The following RAPH1 variants were observed in gnomAD, a reference collection of about 807,000 sequenced individuals.
RAPH1 encodes ras-associated and pleckstrin homology domains-containing protein 1.
RAPH1 carries 18 observed loss-of-function variants against 88.1 expected under a neutral mutation model. The ratio of observed to expected loss-of-function variants is 0.20; its 90% CI spans 0.14 to 0.30. RAPH1 has a LOEUF of 0.30. Ranked by LOEUF, RAPH1 falls within the 10% of genes least tolerant of loss-of-function variation. The pLI, the probability that RAPH1 is intolerant of heterozygous loss-of-function variation, is 1.00. For missense variants in RAPH1, 1,448 were observed against 1,543.2 expected, an observed-to-expected ratio of 0.94 and a Z score of 1.03; for synonymous variants, 587 against 559.0, an observed-to-expected ratio of 1.05 and a Z score of -0.71.
intron 1 of RAPH1, among the ~76,000 whole-genome samples, chr2:203,519,388 A>AT (rs987943712): frequency 4.9e-4 from 75 of 152,222 alleles, no homozygotes; most frequent in Middle Eastern, 3.4e-3. Flanking sequence ...GGCTAAAAAA[A>AT]TTTTTTTTAA....
At chr2:203,455,653 G>A (rs1221471186) in intron 8 of RAPH1, 73 bp from the exon 9 acceptor site, 1 of 1,397,704 alleles carries the variant, frequency 7.2e-7, no homozygotes, top group African/African-American at 1.4e-5. Context: ...TTACTCCTGT[G>A]AAATGCATGA....
chr2:203,521,412 C>T (rs1227088821), intron 1 of RAPH1, among the ~76,000 whole-genome samples: 2 of 151,984 alleles, frequency 1.3e-5, no homozygotes, highest in African/African-American at 2.4e-5. Flanking sequence ...TTCAAAAGCA[C>T]AGAAGAATAT....
Position 203,448,780 on chromosome 2 carries a change from C to T in RAPH1, c.1470G>A (p.Val490=). ...QYIKYLCCDD[V]RTLHQWVNGI... The stretch of plus-strand genomic sequence containing the variant: ...CATTGACCCACTGATGCAGTGTCCT[C>T]ACATCATCACAACAAAGGTATTTGA... Residue 490 remains valine, a synonymous_variant, in exon 11 of 14, where the codon GTG becomes GTA. Transcript: ENST00000319170. The surrounding 1 kb of genome is among the most constrained non-coding windows in gnomAD (Gnocchi z 4.1). 6.2e-7 allele frequency: 1 copy of T among 1,611,902 alleles called. No individual in the cohort carries two copies. The highest frequency in any genetic ancestry group is 8.5e-7 in the Non-Finnish European group (1 of 1,179,184).
chr2:203,528,997 A>T (rs1312379857), intron 1 of RAPH1, among the ~76,000 whole-genome samples: 80 of 81,072 alleles, frequency 9.9e-4, no homozygotes, highest in African/African-American at 4.4e-3. Flanking sequence ...ATATATATAT[A>T]TATATATATT....
At position 203,461,400 on chromosome 2, in the gene RAPH1, G is replaced by A; in HGVS notation, c.819C>T (p.Ile273=). 1.9e-6 allele frequency: 3 copies of A among 1,597,986 alleles called. No individual in the cohort carries two copies. Among genetic ancestry groups the A allele is most frequent in the Non-Finnish European group, 2.6e-6 (3 of 1,172,148 alleles). Residue 273 remains isoleucine, a synonymous_variant, in exon 6 of 14, where the codon ATC becomes ATT. Coordinates refer to ENST00000319170, the MANE Select transcript of RAPH1 (RefSeq NM_213589.3). ...IKEAQVKKLV[I]RVHMSDDSSK... ...AACTGTCATCAGACATGTGGACTCT[G>A]ATCACCAGCTATAACAGGTAAAAAG...
At chr2:203,475,401 C>T (rs571989886) in intron 4 of RAPH1, among the ~76,000 whole-genome samples, 5 of 150,770 alleles carry the variant, frequency 3.3e-5, no homozygotes, top group Admixed American at 6.6e-5. Context: ...AGCGAGACTC[C>T]GTCTCAAAAA....
chr2:203,500,957 C>CA (rs1185562144), intron 1 of RAPH1, among the ~76,000 whole-genome samples: 3 of 152,062 alleles, frequency 2.0e-5, no homozygotes, highest in African/African-American at 4.8e-5. Flanking sequence ...AGCTTTCTCA[C>CA]AAAAATGGTT....
intron 1 of RAPH1, among the ~76,000 whole-genome samples, chr2:203,518,226 T>C (rs1362972954): frequency 1.3e-5 from 2 of 151,928 alleles, no homozygotes; most frequent in African/African-American, 4.8e-5. Flanking sequence ...AATAAAAGAA[T>C]ACTATAAGGC....
At chr2:203,449,692 A>C (rs1449665251) in intron 10 of RAPH1, among the ~76,000 whole-genome samples, 1 of 152,158 alleles carries the variant, frequency 6.6e-6, no homozygotes, top group Admixed American at 6.6e-5. Context: ...TAATGGCTAT[A>C]ATTTGCCTGG....
At chr2:203,491,588 T>C (rs1420207142) in intron 2 of RAPH1, among the ~76,000 whole-genome samples, 1 of 152,220 alleles carries the variant, frequency 6.6e-6, no homozygotes, top group Non-Finnish European at 1.5e-5. Flanking sequence ...TGCCACAAGC[T>C]TGGCTCACTG....
At chr2:203,491,410 C>T (rs918151454) in intron 2 of RAPH1, 91 bp from the exon 3 acceptor site, 70 of 767,264 alleles carry the variant, frequency 9.1e-5, no homozygotes, top group South Asian at 1.2e-4. Context: ...AAGTGAACTG[C>T]CACACTATAA....
intron 1 of RAPH1, among the ~76,000 whole-genome samples, chr2:203,524,416 A>C (rs933112593): frequency 6.6e-6 from 1 of 152,222 alleles, no homozygotes; most frequent in Non-Finnish European, 1.5e-5. Flanking sequence ...ACACGTCCTC[A>C]TAGGTATTCA....
chr2:203,444,794 A>G (rs942371099), intron 13 of RAPH1, 74 bp downstream of exon 13: 14 of 1,372,596 alleles, frequency 1.0e-5, no homozygotes, highest in Middle Eastern at 1.8e-4. Flanking sequence ...CCCGATAAAG[A>G]CATAAGAGAG....
chr2:203,488,894 C>T (rs971687769), intron 4 of RAPH1, among the ~76,000 whole-genome samples: 5 of 151,898 alleles, frequency 3.3e-5, no homozygotes, highest in Admixed American at 6.6e-5. Flanking sequence ...GAGGCCAAGG[C>T]GGTTGGATCA....
intron 1 of RAPH1, among the ~76,000 whole-genome samples, chr2:203,506,797 T>G (rs142232258): frequency 0.028 from 3,226 of 116,336 alleles, 518 homozygotes; most frequent in African/African-American, 0.12. Context: ...TATATATCTA[T>G]ATATATATCT....
At chr2:203,446,095 C>G (rs2098509324) in intron 12 of RAPH1, 1 of 152,200 alleles carries the variant, frequency 6.6e-6, no homozygotes, top group Admixed American at 6.5e-5. Flanking sequence ...TTGGATTTCA[C>G]TAGTTTTTCC....
intron 4 of RAPH1, among the ~76,000 whole-genome samples, chr2:203,475,267 C>T (rs960642017): frequency 4.6e-5 from 7 of 151,566 alleles, no homozygotes; most frequent in Admixed American, 1.3e-4. Context: ...ATTAGCTGGG[C>T]GAGGTGGCGG....
At chr2:203,500,734 G>T (rs1371484428) in intron 1 of RAPH1, among the ~76,000 whole-genome samples, 1 of 152,154 alleles carries the variant, frequency 6.6e-6, no homozygotes, top group East Asian at 1.9e-4. Flanking sequence ...ATGCCATTTT[G>T]TGTAACCACA....
intron 1 of RAPH1, among the ~76,000 whole-genome samples, chr2:203,509,509 G>C (rs926272535): frequency 2.8e-4 from 42 of 152,146 alleles, no homozygotes; most frequent in African/African-American, 9.9e-4. Context: ...TATTTTTAAA[G>C]ATGTTTTGAT....
Sources: gnomAD v4.1 joint callset for allele counts (sites outside exome capture counted in the v4.1 genomes callset) on GRCh38, gnomAD v4.1.1 for gene constraint, Gnocchi (gnomAD v3.1) non-coding constraint, MANE v1.5 for transcripts, NCBI Gene and HGNC (gene_info 2026-07-23, HGNC 2026-07-21) for gene names.